Variants in SNAPC2 observed in about 807,000 individuals in gnomAD.
SNAPC2 encodes snRNA-activating protein complex subunit 2.
A neutral mutation model predicts 22.9 loss-of-function variants in SNAPC2; 27 were observed. The observed-to-expected ratio is 1.18, with a 90% CI of 0.87 to 1.63. The LOEUF (loss-of-function observed/expected upper bound fraction) is 1.63, where lower values mean the gene tolerates loss of function less well. Ranked by LOEUF, SNAPC2 falls within the 40% of genes most tolerant of loss-of-function variation. The pLI, the probability that SNAPC2 is intolerant of heterozygous loss-of-function variation, is 0.00. For synonymous variants in SNAPC2, 272 were observed against 201.0 expected (o/e 1.35, Z -2.99); for missense variants, 570 against 449.1 (o/e 1.27, Z -2.43).
rs571717809 is a variant in SNAPC2 at position 7,920,923 on chromosome 19, CT to C, written c.183+376del. ...GGGCGTGGGCGGGTTAATAGCAAGA[CT>C]TAAGGGCGGGGCCGTTTTGGGAGTA... On this transcript the variant is annotated intron_variant, in intron 1 of 4. Transcript: ENST00000221573. The C allele has an allele frequency of 3.5e-4, 356 of 1,024,372 alleles. 1 individual carries two copies. In the African/African-American group the frequency reaches 6.9e-3, roughly 20 times the overall value. 63.5% of individuals were successfully genotyped at this position (1,024,372 alleles called of 1,614,324 possible).
chr19:7,920,364 G>C lies in SNAPC2; in HGVS notation c.-3G>C, dbSNP rs752808972. On this transcript the variant is annotated 5_prime_UTR_variant, in exon 1 of 5. Transcript: ENST00000221573. Reference sequence around the variant, plus strand: ...TTACAGCGCCTGCCTCTTTCTGAGCGGCATGAAGCCACCTCCCAGGCGGCG... The same window carrying C: ...TTACAGCGCCTGCCTCTTTCTGAGCCGCATGAAGCCACCTCCCAGGCGGCG... 43 of 1,569,536 alleles carry C rather than the reference G, an allele frequency of 2.7e-5. No individual in the cohort carries two copies. The highest frequency in any genetic ancestry group is 3.4e-5 in the South Asian group (3 of 88,736).
At chr19:7,921,569 G>C (rs756719529) in intron 2 of SNAPC2, 27 bp downstream of exon 2, 3 of 1,606,110 alleles carry the variant, frequency 1.9e-6, no homozygotes, top group African/African-American at 1.3e-5. Flanking sequence ...GGGTGAGGCT[G>C]TCCAGGGCAG....
Position 7,921,511 on chromosome 19 carries a change from G to C in SNAPC2, c.272G>C (p.Arg91Pro). 6 of 1,613,512 alleles carry C rather than the reference G, an allele frequency of 3.7e-6. No homozygotes were observed. The highest frequency in any genetic ancestry group is 5.1e-6 in the Non-Finnish European group (6 of 1,179,762). Residue 91 changes from arginine to proline, a missense_variant, in exon 2 of 5, where the codon CGC becomes CCC. Transcript: ENST00000221573. ...CCGGGTGGCCTTCAGGGACCAAGGC[G>C]CCGGGAGGCACAGCCCCCAGCCCCC... ...VHPGGLQGPR[R>P]REAQPPAPIE...
rs1246567033 is a variant in SNAPC2, at chr19:7,921,705, G to A, written c.304G>A (p.Val102Ile). 6.2e-7 allele frequency: 1 copy of A among 1,613,742 alleles called. No homozygotes were observed. Among genetic ancestry groups the A allele is most frequent in the Non-Finnish European group, 8.5e-7 (1 of 1,179,848 alleles). Reference protein sequence around the residue: ...REAQPPAPIEVWTDLAEKITG... With the variant: ...REAQPPAPIEIWTDLAEKITG... Reference sequence around the variant, plus strand: ...ACCCTGTACCTCTGGCTTCACTCAGGTCTGGACGGATCTGGCTGAGAAGAT... The same window carrying A: ...ACCCTGTACCTCTGGCTTCACTCAGATCTGGACGGATCTGGCTGAGAAGAT... Residue 102 changes from valine to isoleucine, a missense_variant and splice_region_variant, in exon 3 of 5, where the codon GTC becomes ATC. Physicochemically the swap from Val to Ile is conservative, Grantham distance 29. Coordinates refer to ENST00000221573, the MANE Select transcript of SNAPC2 (RefSeq NM_003083.4).
Position 7,921,856 on chromosome 19 carries a change from C to T in SNAPC2, c.372+83C>T, listed in dbSNP as rs1599640729. 8.1e-6 allele frequency: 12 copies of T among 1,488,652 alleles called. No individual in the cohort carries two copies. The South Asian group carries it at 1.2e-4, about 14-fold the overall frequency. 92.2% of individuals were successfully genotyped at this position (1,488,652 alleles called of 1,614,324 possible). A position where few individuals can be genotyped will look rare whatever the true frequency, so the allele number is the denominator to read the frequency against. On this transcript the variant is annotated intron_variant, in intron 3 of 4. Coordinates refer to ENST00000221573, the MANE Select transcript of SNAPC2 (RefSeq NM_003083.4). ...AAATCATGTGAACCTGGGTCCTGGG[C>T]CCTTTTGCCAGCTCTGTGGACTCCG...
At chr19:7,921,591 G>A (rs1040142837) in intron 2 of SNAPC2, 49 bp downstream of exon 2, 3 of 1,603,120 alleles carry the variant, frequency 1.9e-6, no homozygotes, top group Admixed American at 1.7e-5. Flanking sequence ...TCCCTGGTGG[G>A]TAGGTGGGAG....
In SNAPC2 at chr19:7,922,084, C is replaced by A. The variant is rs1345939127; in HGVS notation, c.422C>A (p.Pro141His). 1 of 1,613,576 alleles carries A rather than the reference C, an allele frequency of 6.2e-7. No homozygotes were observed. Among genetic ancestry groups the A allele is most frequent in the Non-Finnish European group, 8.5e-7 (1 of 1,179,680 alleles). ...CCGGTCACCCTCCTGCACTCCAAGC[C>A]CCCCAAGCCCACGCAGGCCCGTGGA... ...TEPVTLLHSK[P>H]PKPTQARGKP... The change falls in exon 4 of 5, where the codon CCC becomes CAC. Residue 141 changes from proline to histidine, a missense_variant. By Grantham distance (77) the Pro-to-His change is moderately conservative. Transcript: ENST00000221573.
rs961901409 is a variant in SNAPC2, at chr19:7,921,299, C to T, written c.184-124C>T. ...TTGGCAGTCACTGGGACTCCTAACA[C>T]CGGGCCAGCAGGAGACTAAGGCGCA... On this transcript the variant is annotated intron_variant, in intron 1 of 4. Transcript: ENST00000221573. The T allele has an allele frequency of 7.2e-6, 11 of 1,521,840 alleles. No homozygotes were observed. The African/African-American group carries it at 1.4e-4, about 19-fold the overall frequency. The allele number at this position is 1,521,840 out of a possible 1,614,324, so 94.3% of individuals were successfully genotyped here.
rs369227389 is a variant in SNAPC2, at chr19:7,922,390, G to C, written c.685+43G>C. The C allele has an allele frequency of 1.9e-6, 3 of 1,593,550 alleles. No individual in the cohort carries two copies. In the South Asian group the frequency reaches 3.4e-5, roughly 18 times the overall value. The stretch of plus-strand genomic sequence containing the variant: ...GGGGGCAGGAGCAGAGGGATCAAGG[G>C]TCCCTGGCAGCAGGCAGGGGTGTCC... On this transcript the variant is annotated intron_variant, in intron 4 of 4. Transcript: ENST00000221573.
chr19:7,922,730 A>G lies in SNAPC2; in HGVS notation c.971A>G (p.Glu324Gly). The G allele has an allele frequency of 6.3e-7, 1 of 1,599,434 alleles. No homozygotes were observed. The highest frequency in any genetic ancestry group is 8.6e-7 in the Non-Finnish European group (1 of 1,169,506). Residue 324 changes from glutamate (E) to glycine (G), a missense_variant, in exon 5 of 5, where the codon GAG becomes GGG. Glu to Gly is a moderately conservative substitution (Grantham distance 98, BLOSUM62 -2). Transcript: ENST00000221573. ...CPLNPFLVPLELLGRAATPAR is the reference protein window; with the variant it reads ...CPLNPFLVPLGLLGRAATPAR The stretch of plus-strand genomic sequence containing the variant: ...CTGAACCCGTTCCTGGTGCCCCTGG[A>G]GCTTCTGGGTCGGGCAGCCACCCCT...
rs1983629147 is a variant in SNAPC2 at position 7,922,709 on chromosome 19, A to T, written c.950A>T (p.Asn317Ile). 1 of 1,609,776 alleles carries T rather than the reference A, an allele frequency of 6.2e-7. No individual in the cohort carries two copies. Residue 317 changes from asparagine to isoleucine, a missense_variant, in exon 5 of 5, where the codon AAC becomes ATC. By Grantham distance (149) the Asn-to-Ile change is moderately radical (BLOSUM62 -3). Transcript: ENST00000221573. ...PWQAAGICPL[N>I]PFLVPLELLG... Reference sequence around the variant, plus strand: ...CAAGCAGCTGGGATCTGTCCCCTGAACCCGTTCCTGGTGCCCCTGGAGCTT... The same window carrying T: ...CAAGCAGCTGGGATCTGTCCCCTGATCCCGTTCCTGGTGCCCCTGGAGCTT...
In SNAPC2 at chr19:7,920,510, C is replaced by G. The variant is rs1983525585; in HGVS notation, c.144C>G (p.Thr48=). The change falls in exon 1 of 5, where the codon ACC becomes ACG. Residue 48 remains threonine, a synonymous_variant. Coordinates refer to ENST00000221573, the MANE Select transcript of SNAPC2 (RefSeq NM_003083.4). ...ARQGQPEPDA[T]ELARELRGRS... ...AGGGCCAGCCGGAGCCGGACGCCAC[C>G]GAGCTGGCCCGGGAGCTGCGGGGCC... 12 of 1,474,952 alleles carry G rather than the reference C, an allele frequency of 8.1e-6. No homozygotes were observed. Among genetic ancestry groups the G allele is most frequent in the Non-Finnish European group, 9.8e-6 (11 of 1,121,838 alleles). The allele number at this position is 1,474,952 out of a possible 1,614,324, so 91.4% of individuals were successfully genotyped here. A position where few individuals can be genotyped will look rare whatever the true frequency, so the allele number is the denominator to read the frequency against.
chr19:7,922,097 G>T lies in SNAPC2; in HGVS notation c.435G>T (p.Thr145=), dbSNP rs756394094. 1.2e-6 allele frequency: 2 copies of T among 1,613,762 alleles called. No homozygotes were observed. The highest frequency in any genetic ancestry group is 1.7e-5 in the Admixed American group (1 of 59,996). ...TLLHSKPPKP[T]QARGKPLLLS... is the part of the protein sequence containing the mutation. ...TGCACTCCAAGCCCCCCAAGCCCAC[G>T]CAGGCCCGTGGAAAGCCTTTGCTCC... is the stretch of plus-strand genomic sequence containing the variant. The change falls in exon 4 of 5, where the codon ACG becomes ACT. Residue 145 remains threonine, a synonymous_variant. Coordinates refer to ENST00000221573, the MANE Select transcript of SNAPC2 (RefSeq NM_003083.4).
In SNAPC2 at chr19:7,922,210, A is replaced by C. The variant is rs757497834; in HGVS notation, c.548A>C (p.Asp183Ala). The part of the protein sequence containing the change: ...AAPSSAPRTP[D>A]PAPEKPSESS... ...CCTAGCTCCGCACCCAGGACTCCTG[A>C]CCCTGCCCCTGAGAAACCTTCTGAG... Residue 183 changes from aspartate to alanine, a missense_variant, in exon 4 of 5, where the codon GAC becomes GCC. Transcript: ENST00000221573. 1.5e-5 allele frequency: 25 copies of C among 1,613,910 alleles called. No homozygotes were observed. The highest frequency in any genetic ancestry group is 1.1e-4 in the South Asian group (10 of 91,076).
At chr19:7,921,100 G>A (rs981380025) in intron 1 of SNAPC2, 146 of 1,254,304 alleles carry the variant, frequency 1.2e-4, no homozygotes, top group Non-Finnish European at 9.1e-5. Flanking sequence ...GCATGCTGTT[G>A]GACAGGATAC....
Position 7,921,711 on chromosome 19 carries a change from A to G in SNAPC2, c.310A>G (p.Thr104Ala), listed in dbSNP as rs1267908308. The G allele has an allele frequency of 3.1e-6, 5 of 1,613,722 alleles. No homozygotes were observed. Among genetic ancestry groups the G allele is most frequent in the Middle Eastern group, 1.7e-4 (1 of 6,060 alleles). Reference protein sequence around the residue: ...AQPPAPIEVWTDLAEKITGPL... With the variant: ...AQPPAPIEVWADLAEKITGPL... The stretch of plus-strand genomic sequence containing the variant: ...TACCTCTGGCTTCACTCAGGTCTGG[A>G]CGGATCTGGCTGAGAAGATAACAGG... Residue 104 changes from threonine (T) to alanine (A), a missense_variant, in exon 3 of 5, where the codon ACG becomes GCG. By Grantham distance (58) the Thr-to-Ala change is moderately conservative (BLOSUM62 0). Transcript: ENST00000221573.
chr19:7,920,657 A>G (rs1355425805), intron 1 of SNAPC2, 108 bp downstream of exon 1: 1 of 496,638 alleles, frequency 2.0e-6, no homozygotes, highest in African/African-American at 2.6e-5. Context: ...CAGGAATGTA[A>G]GCGAGCGGGG....
rs1568289891 is a variant in SNAPC2, at chr19:7,922,801, G to GC, written c.*40dup. The stretch of plus-strand genomic sequence containing the variant: ...GGCAGGAGGCCACACCAGGCCCCCC[G>GC]CCCTGCCCCTCGGTTCTGCTCGGCT... On this transcript the variant is annotated 3_prime_UTR_variant, in exon 5 of 5. Transcript: ENST00000221573. The GC allele has an allele frequency of 1.4e-6, 2 of 1,473,336 alleles. No individual in the cohort carries two copies. Among genetic ancestry groups the GC allele is most frequent in the East Asian group, 4.6e-5 (2 of 43,626 alleles). 91.3% of individuals were successfully genotyped at this position (1,473,336 alleles called of 1,614,324 possible). A position where few individuals can be genotyped will look rare whatever the true frequency, so the allele number is the denominator to read the frequency against.
Position 7,920,558 on chromosome 19 carries a change from C to A in SNAPC2, c.183+9C>A. On this transcript the variant is annotated intron_variant, in intron 1 of 4. Transcript: ENST00000221573. ...GCCGGAGCGAGGCTGAGGTGAGATG[C>A]GGTTCTCGGGACCGGAGCCAGGCTG... 9.7e-7 allele frequency: 1 copy of A among 1,028,036 alleles called. No homozygotes were observed. The highest frequency in any genetic ancestry group is 1.2e-6 in the Non-Finnish European group (1 of 820,682). 63.7% of individuals were successfully genotyped at this position (1,028,036 alleles called of 1,614,324 possible). A position where few individuals can be genotyped will look rare whatever the true frequency, so the allele number is the denominator to read the frequency against.
Sources: allele counts gnomAD v4.1 joint callset, GRCh38; gene constraint gnomAD v4.1.1; transcripts MANE v1.5; gene names NCBI Gene and HGNC (gene_info 2026-07-23, HGNC 2026-07-21).